Variants in CCDC33 observed in about 807,000 individuals in gnomAD.
CCDC33 encodes the protein coiled-coil domain-containing protein 33.
Under a neutral mutation model 91.9 loss-of-function variants are expected in CCDC33, and 94 were observed. The observed-to-expected ratio is 1.02, with a 90% CI of 0.87 to 1.21. The LOEUF is 1.21. Ranked by LOEUF, CCDC33 falls within the 50% of genes most tolerant of loss-of-function variation. CCDC33 has a pLI of 0.00. For synonymous variants in CCDC33, 396 were observed against 374.5 expected (o/e 1.06, Z -0.66); for missense variants, 940 against 935.5 (o/e 1.00, Z -0.06).
intron 7 of CCDC33, among the ~76,000 whole-genome samples, chr15:74,278,238 G>A (rs1301755253): frequency 1.3e-5 from 2 of 152,228 alleles, no homozygotes; most frequent in Non-Finnish European, 2.9e-5. Context: ...GACAAACCAG[G>A]CCCATTAGTG....
chr15:74,320,124 G>A (rs2060175471), intron 11 of CCDC33, among the ~76,000 whole-genome samples: 1 of 152,124 alleles, frequency 6.6e-6, no homozygotes, highest in African/African-American at 2.4e-5. Context: ...CAGAGACCTG[G>A]GGTGAGCAGG....
At chr15:74,300,348 G>A (rs1478608590) in intron 11 of CCDC33, 1 of 152,290 alleles carries the variant, frequency 6.6e-6, no homozygotes, top group East Asian at 1.9e-4. Context: ...GAAGACGTGG[G>A]CAGACATACA....
At chr15:74,240,753 T>C (rs1445455652) in intron 1 of CCDC33, among the ~76,000 whole-genome samples, 2 of 152,152 alleles carry the variant, frequency 1.3e-5, no homozygotes, top group East Asian at 3.9e-4. Flanking sequence ...CCACCGCACC[T>C]GGCTGATTTT....
chr15:74,260,343 A>G (rs1474285555), intron 2 of CCDC33, among the ~76,000 whole-genome samples: 1 of 152,140 alleles, frequency 6.6e-6, no homozygotes, highest in Non-Finnish European at 1.5e-5. Flanking sequence ...CATTCTGCAG[A>G]GCCTGCAGGG....
At position 74,266,789 on chromosome 15, in the gene CCDC33, T is replaced by C. The variant is rs772400178; in HGVS notation, c.429+2T>C. ...CCCTACCACTTTGAGCTGGTGAAGG[T>C]GAGTCAGAGGCCTGGGGAAGTGCCG... is the stretch of plus-strand genomic sequence containing the variant. On this transcript the variant is annotated splice_donor_variant, in intron 4 of 18. Transcript: ENST00000398814. LOFTEE classifies it high-confidence loss of function. 1 of 1,609,260 alleles carries C rather than the reference T, an allele frequency of 6.2e-7. No individual in the cohort carries two copies. The highest frequency in any genetic ancestry group is 8.5e-7 in the Non-Finnish European group (1 of 1,175,658).
At chr15:74,293,347 C>A (rs958875367) in intron 10 of CCDC33, among the ~76,000 whole-genome samples, 4 of 152,208 alleles carry the variant, frequency 2.6e-5, no homozygotes, top group Admixed American at 2.0e-4. Flanking sequence ...GCCACCTGGT[C>A]AATGGGAAGG....
At position 74,244,047 on chromosome 15, in the gene CCDC33, C is replaced by A. The variant is rs2075437914; in HGVS notation, c.84C>A (p.His28Gln). Residue 28 changes from histidine to glutamine, a missense_variant, in exon 2 of 19, where the codon CAC becomes CAA. Coordinates refer to ENST00000398814, the MANE Select transcript of CCDC33 (RefSeq NM_025055.5). This position sits in a 1 kb window ranked among gnomAD's most constrained non-coding sequence, Gnocchi z 4.2. ...ASQSTEPEIG[H>Q]LSPSKKETIM... is the part of the protein sequence containing the mutation. ...AGAGCACGGAACCTGAGATCGGTCA[C>A]CTGTCTCCCTCTAAGAAGGAGACCA... 1 of 1,583,210 alleles carries A rather than the reference C, an allele frequency of 6.3e-7. No homozygotes were observed. The highest frequency in any genetic ancestry group is 8.6e-7 in the Non-Finnish European group (1 of 1,161,616).
chr15:74,331,572 G>A (rs2060440063), intron 15 of CCDC33, among the ~76,000 whole-genome samples: 2 of 152,214 alleles, frequency 1.3e-5, no homozygotes, highest in African/African-American at 4.8e-5. Context: ...GACCTCCAGA[G>A]GAGGGCCCTG....
chr15:74,324,722 C>T (rs75612357), intron 11 of CCDC33, among the ~76,000 whole-genome samples: 1 of 151,788 alleles, frequency 6.6e-6, no homozygotes, highest in Non-Finnish European at 1.5e-5. Flanking sequence ...GGCTTGATCA[C>T]CATCAGCCAC....
At chr15:74,203,014 G>A (rs1201078032) in exon 1 of CCDC33, 4 of 985,928 alleles carry the variant, frequency 4.1e-6, no homozygotes, top group Non-Finnish European at 4.8e-6. Flanking sequence ...TGCCTTCAGC[G>A]CCTGCCCCAG....
At chr15:74,276,127 G>A (rs536683769) in intron 7 of CCDC33, among the ~76,000 whole-genome samples, 1 of 152,318 alleles carries the variant, frequency 6.6e-6, no homozygotes, top group South Asian at 2.1e-4. Flanking sequence ...TGCCTTGCTG[G>A]TATAAATGTG....
chr15:74,277,954 T>C (rs1236915834), intron 7 of CCDC33, among the ~76,000 whole-genome samples: 1 of 152,114 alleles, frequency 6.6e-6, no homozygotes, highest in Non-Finnish European at 1.5e-5. Flanking sequence ...TGGCAGACAG[T>C]CCCAGCCATG....
At chr15:74,309,023 C>G (rs1041825051) in intron 11 of CCDC33, among the ~76,000 whole-genome samples, 17 of 152,270 alleles carry the variant, frequency 1.1e-4, no homozygotes, top group African/African-American at 4.1e-4. Context: ...ACTCAGAGAG[C>G]TGGCTCAGGA....
chr15:74,247,397 C>T (rs1013136716), intron 2 of CCDC33, among the ~76,000 whole-genome samples: 5 of 132,892 alleles, frequency 3.8e-5, no homozygotes, highest in Non-Finnish European at 6.3e-5. Context: ...CACACACACA[C>T]GTCATATACA....
intron 17 of CCDC33, 80 bp from the exon 18 acceptor site, chr15:74,334,895 C>G (rs1445486467): frequency 8.5e-7 from 1 of 1,173,814 alleles, no homozygotes; most frequent in Non-Finnish European, 1.3e-6. Flanking sequence ...GGACAGCAGG[C>G]TCAGGCCCTG....
At chr15:74,209,407 T>C in exon 2 of CCDC33, 1 of 1,535,606 alleles carries the variant, frequency 6.5e-7, no homozygotes, top group Non-Finnish European at 8.7e-7. Context: ...GCCTGATGAA[T>C]TGCCAGAGGG....
intron 2 of CCDC33, among the ~76,000 whole-genome samples, chr15:74,225,233 G>GC (rs1567215184): frequency 1.3e-5 from 2 of 151,814 alleles, no homozygotes; most frequent in Admixed American, 6.6e-5. Context: ...ACCAGCCCCA[G>GC]CCCCAGTGAG....
At chr15:74,271,065 C>A (rs2076301712) in intron 5 of CCDC33, among the ~76,000 whole-genome samples, 2 of 152,052 alleles carry the variant, frequency 1.3e-5, no homozygotes, top group African/African-American at 2.4e-5. Context: ...ACCAGTACTT[C>A]CTGGGGAAAC....
At chr15:74,262,332 A>G (rs2076047381) in intron 2 of CCDC33, 108 bp from the exon 3 acceptor site, 3 of 1,418,350 alleles carry the variant, frequency 2.1e-6, no homozygotes, top group South Asian at 2.6e-5. Context: ...AGAGCTCTCC[A>G]TATTCTGTCC....
Sources: gnomAD v4.1 joint callset for allele counts (sites outside exome capture counted in the v4.1 genomes callset) on GRCh38, gnomAD v4.1.1 for gene constraint, Gnocchi (gnomAD v3.1) non-coding constraint, MANE v1.5 for transcripts, NCBI Gene and HGNC (gene_info 2026-07-23, HGNC 2026-07-21) for gene names.